Variants in SLC8A1 observed in about 807,000 individuals in gnomAD.
The protein encoded by SLC8A1 is solute carrier family 8 member A1, also known as sodium/calcium exchanger 1.
Under a neutral mutation model 68.3 loss-of-function variants are expected in SLC8A1, and 18 were observed. The ratio of observed to expected loss-of-function variants is 0.26; its 90% confidence interval spans 0.18 to 0.39. SLC8A1 has a LOEUF of 0.39. Ranked by LOEUF, SLC8A1 falls within the 10% of genes least tolerant of loss-of-function variation. The probability of loss-of-function intolerance (pLI) is 1.00; values close to 1 mark genes in which losing one functional copy is unlikely to be tolerated. For missense variants in SLC8A1, 985 were observed against 1,156.7 expected (o/e 0.85, Z 2.15); for synonymous variants, 475 against 415.5 (o/e 1.14, Z -1.74).
chr2:40,334,213 G>C (rs1054766233), intron 2 of SLC8A1, among the ~76,000 whole-genome samples: 1 of 152,322 alleles, frequency 6.6e-6, no homozygotes, highest in African/African-American at 2.4e-5. Flanking sequence ...ATGAGGTTTA[G>C]AGAAGTTAGT....
chr2:40,277,821 T>TATATATAC lies in SLC8A1; in HGVS notation c.1809-99967_1809-99966insGTATATAT, dbSNP rs1553469383. ...ATATATATATATATATATATATATATATATATATATTTGTAACATATGGTT... is the reference window on the plus strand; with the variant it reads ...ATATATATATATATATATATATATATATATATACATATATATATTTGTAACATATGGTT... On this transcript the variant is annotated intron_variant, in intron 2 of 7. Transcript: ENST00000406785. 7.4e-4 allele frequency among the ~76,000 whole-genome samples: 101 copies of TATATATAC among 137,370 alleles called. 1 individual carries two copies. The highest frequency in any genetic ancestry group is 2.5e-3 in the African/African-American group (96 of 38,104). 90.1% of individuals were successfully genotyped at this position (137,370 alleles called of 152,430 possible).
At chr2:40,237,240 A>G (rs2060517782) in intron 2 of SLC8A1, among the ~76,000 whole-genome samples, 1 of 152,134 alleles carries the variant, frequency 6.6e-6, no homozygotes, top group Admixed American at 6.5e-5. Context: ...TTTCAGGTAC[A>G]CCAATCAGAC....
intron 6 of SLC8A1, among the ~76,000 whole-genome samples, chr2:40,155,242 G>T (rs1421360217): frequency 6.6e-6 from 1 of 151,996 alleles, no homozygotes; most frequent in Non-Finnish European, 1.5e-5. Context: ...CCATTCTCCT[G>T]CCTCAGCCTT....
chr2:40,177,838 C>A, exon 3 of SLC8A1: 1 of 1,550,608 alleles, frequency 6.4e-7, no homozygotes, highest in South Asian at 1.2e-5. Flanking sequence ...GTCAAATATT[C>A]TAATGGTAAT....
At chr2:40,217,781 A>G (rs76733367) in intron 2 of SLC8A1, among the ~76,000 whole-genome samples, 86 of 152,316 alleles carry the variant, frequency 5.6e-4, no homozygotes, top group African/African-American at 2.0e-3. Flanking sequence ...GACACACATA[A>G]TGTTAATTTC....
intron 2 of SLC8A1, among the ~76,000 whole-genome samples, chr2:40,375,569 T>C (rs1679545423): frequency 6.6e-6 from 1 of 152,166 alleles, no homozygotes; most frequent in South Asian, 2.1e-4. Context: ...TCCAGGATCA[T>C]TACCACAGAT....
chr2:40,284,449 GTATATCTATAGATA>G (rs989860315), intron 2 of SLC8A1, among the ~76,000 whole-genome samples: 8 of 140,276 alleles, frequency 5.7e-5, no homozygotes, highest in South Asian at 2.1e-4. Context: ...ATATATAAAT[GTATATCTATAGATA>G]TATATCTATA....
intron 1 of SLC8A1, among the ~76,000 whole-genome samples, chr2:40,432,605 C>A (rs911970628): frequency 9.9e-5 from 15 of 151,630 alleles, no homozygotes; most frequent in African/African-American, 3.6e-4. Flanking sequence ...ATGCTTGGCA[C>A]AGTCTAAAAA....
chr2:40,320,112 A>AC (rs1553502739), intron 2 of SLC8A1, among the ~76,000 whole-genome samples: 3 of 152,144 alleles, frequency 2.0e-5, no homozygotes, highest in Non-Finnish European at 4.4e-5. Flanking sequence ...CATTACCATC[A>AC]CCATCATCTT....
At position 40,388,174 on chromosome 2, in the gene SLC8A1, C is replaced by T. The variant is rs147993662; in HGVS notation, c.1808+40299G>A. Among the ~76,000 whole-genome samples the T allele has an allele frequency of 2.8e-3, 426 of 152,040 alleles. 2 individuals are homozygous for T. Among genetic ancestry groups the T allele is most frequent in the African/African-American group, 9.5e-3 (392 of 41,468 alleles). The stretch of plus-strand genomic sequence containing the variant: ...GTGCCCCTTAGAAATCATCAAAACC[C>T]GCTTTAGGGATTAGGGCAGAACATT... On this transcript the variant is annotated intron_variant, in intron 2 of 7. Transcript: ENST00000406785.
At chr2:40,106,448 C>A (rs1297361568) in exon 8 of SLC8A1, 4 of 151,904 alleles carry the variant, frequency 2.6e-5, no homozygotes, top group Non-Finnish European at 5.9e-5. Context: ...ATTTTCAATC[C>A]TTTTTGATAA....
At chr2:40,308,270 A>C (rs1280126750) in intron 2 of SLC8A1, among the ~76,000 whole-genome samples, 2 of 152,328 alleles carry the variant, frequency 1.3e-5, no homozygotes, top group South Asian at 2.1e-4. Flanking sequence ...GGAGTGATAT[A>C]AACTTAATAG....
chr2:40,214,887 C>T (rs1016134237), intron 2 of SLC8A1, among the ~76,000 whole-genome samples: 2 of 152,104 alleles, frequency 1.3e-5, no homozygotes, highest in Non-Finnish European at 2.9e-5. Flanking sequence ...TCATCCCAAA[C>T]TACCTTAGTT....
chr2:40,126,718 C>T (rs993827219), intron 7 of SLC8A1, among the ~76,000 whole-genome samples: 2 of 152,068 alleles, frequency 1.3e-5, no homozygotes, highest in Non-Finnish European at 2.9e-5. Context: ...TACCCCCTCC[C>T]CCACATAAAC....
intron 2 of SLC8A1, among the ~76,000 whole-genome samples, chr2:40,341,739 G>A (rs759937482): frequency 1.2e-4 from 18 of 151,966 alleles, no homozygotes; most frequent in Non-Finnish European, 2.5e-4. Context: ...TTAAACTCTG[G>A]GGTTCTACAA....
At chr2:40,346,046 G>GAAAA (rs1669153632) in intron 2 of SLC8A1, among the ~76,000 whole-genome samples, 1 of 28,464 alleles carries the variant, frequency 3.5e-5, no homozygotes, top group East Asian at 8.5e-4. Flanking sequence ...AACATTAACA[G>GAAAA]TAAAAAAAAA....
intron 2 of SLC8A1, among the ~76,000 whole-genome samples, chr2:40,333,706 T>C (rs1047264140): frequency 1.2e-4 from 19 of 152,272 alleles, no homozygotes; most frequent in Middle Eastern, 3.4e-3. Flanking sequence ...TATTGTAGCA[T>C]ACCATCACTT....
chr2:40,165,236 T>C (rs760923469), intron 4 of SLC8A1, among the ~76,000 whole-genome samples: 6 of 152,144 alleles, frequency 3.9e-5, no homozygotes, highest in African/African-American at 1.2e-4. Flanking sequence ...GGAAAAGTAA[T>C]GTATGGGGCA....
At chr2:40,450,499 C>T (rs887135097) in intron 1 of SLC8A1, among the ~76,000 whole-genome samples, 2 of 152,128 alleles carry the variant, frequency 1.3e-5, no homozygotes, top group African/African-American at 4.8e-5. Context: ...CTGCTCATAT[C>T]TGGAGATACT....
Sources: allele counts gnomAD v4.1 joint callset (sites outside exome capture counted in the v4.1 genomes callset), GRCh38; gene constraint gnomAD v4.1.1; transcripts MANE v1.5; gene names NCBI Gene and HGNC (gene_info 2026-07-23, HGNC 2026-07-21).